The following UGT1A6 variants were observed in gnomAD, a reference collection of about 807,000 sequenced individuals.
UGT1A6 encodes the protein UDP glucuronosyltransferase family 1 member A6.
In UGT1A6, 32 loss-of-function variants were observed where a neutral mutation model predicts 44.4. The ratio of observed to expected loss-of-function variants is 0.72; its 90% confidence interval spans 0.54 to 0.97. The LOEUF (loss-of-function observed/expected upper bound fraction) is 0.97. UGT1A6 is among the 50% of genes least tolerant of loss of function. UGT1A6 has a pLI of 0.00. For missense variants in UGT1A6, 685 were observed against 661.9 expected (o/e 1.03, Z -0.38); for synonymous variants, 238 against 248.5 (o/e 0.96, Z 0.40).
intron 1 of UGT1A6, among the ~76,000 whole-genome samples, chr2:233,738,130 C>T (rs1187217692): frequency 6.6e-6 from 1 of 152,186 alleles, no homozygotes; most frequent in Admixed American, 6.5e-5. Flanking sequence ...ATAAGGGGCC[C>T]TTATCCCTTC....
Position 233,767,108 on chromosome 2 carries a change from A to T in UGT1A6, c.936A>T (p.Glu312Asp). ...TCTCTTTGGGATCAATGGTCTCAGA[A>T]ATTCCAGAGAAGAAAGCTATGGCAA... The part of the protein sequence containing the change: ...VVFSLGSMVS[E>D]IPEKKAMAIA... The change falls in exon 2 of 5, where the codon GAA (glutamate) becomes GAT (aspartate). Residue 312 changes from glutamate (E) to aspartate (D), a missense_variant. Glu to Asp is a conservative substitution (Grantham distance 45). Coordinates refer to ENST00000305139, the MANE Select transcript of UGT1A6 (RefSeq NM_001072.4). 1 of 1,614,166 alleles carries T rather than the reference A, an allele frequency of 6.2e-7. No individual in the cohort carries two copies.
chr2:233,693,631 G>A lies in UGT1A6; in HGVS notation c.627G>A (p.Val209=). 6.2e-7 allele frequency: 1 copy of A among 1,614,078 alleles called. No homozygotes were observed. The highest frequency in any genetic ancestry group is 1.1e-5 in the South Asian group (1 of 91,058). Residue 209 remains valine (V), a synonymous_variant, in exon 1 of 5, where the codon GTG becomes GTA. Transcript: ENST00000305139. ...ACCACATGACTTTTTCCCAACGAGT[G>A]GCCAACTTCCTTGTTAATTTGTTGG... ...FSDHMTFSQR[V]ANFLVNLLEP...
intron 1 of UGT1A6, chr2:233,718,800 C>T (rs779656703): frequency 5.0e-6 from 8 of 1,613,106 alleles, no homozygotes; most frequent in African/African-American, 4.0e-5. Context: ...GGACAGTCAG[C>T]TGTCGGTGGC....
chr2:233,743,823 G>A, intron 1 of UGT1A6: 2 of 1,367,252 alleles, frequency 1.5e-6, no homozygotes, highest in Non-Finnish European at 2.0e-6. Flanking sequence ...TTTTTGTCGG[G>A]GTGCCACTTG....
At chr2:233,694,057 G>A (rs1437140382) in intron 1 of UGT1A6, among the ~76,000 whole-genome samples, 192 bp downstream of exon 1, 2 of 152,344 alleles carry the variant, frequency 1.3e-5, no homozygotes, top group East Asian at 3.9e-4. Context: ...GCATTCGGAT[G>A]AAGACAGGGC....
rs1042595424 is a variant in UGT1A6 at position 233,772,592 on chromosome 2, C to T, written c.*33C>T. On this transcript the variant is annotated 3_prime_UTR_variant, in exon 5 of 5. Transcript: ENST00000305139. ...GTGGGAAATAAGGTAAAATTTTGAA[C>T]CATTCCCTAGTCATTTCCAAACTTG... The T allele has an allele frequency of 7.5e-6, 12 of 1,599,668 alleles. No homozygotes were observed. The highest frequency in any genetic ancestry group is 1.3e-5 in the African/African-American group (1 of 74,558).
chr2:233,708,361 C>T (rs919145520), intron 1 of UGT1A6: 2 of 152,120 alleles, frequency 1.3e-5, no homozygotes, highest in African/African-American at 4.8e-5. Context: ...CTTATTAATT[C>T]TTCATTTAAA....
chr2:233,742,647 G>A (rs1292075508), intron 1 of UGT1A6: 1 of 152,020 alleles, frequency 6.6e-6, no homozygotes, highest in African/African-American at 2.4e-5. Context: ...GTATACCACC[G>A]ACCAACCATG....
chr2:233,720,704 C>CT (rs796417980), intron 1 of UGT1A6, among the ~76,000 whole-genome samples: 446 of 139,112 alleles, frequency 3.2e-3, no homozygotes, highest in South Asian at 5.2e-3. Context: ...GGGAGCCATC[C>CT]TTTTTTTTTT....
chr2:233,754,448 T>G (rs1695488368), intron 1 of UGT1A6: 3 of 350,316 alleles, frequency 8.6e-6, no homozygotes, highest in Non-Finnish European at 1.7e-5. Flanking sequence ...TATAAATTCT[T>G]GGGTACAGCT....
chr2:233,738,076 A>C (rs17862873), intron 1 of UGT1A6, among the ~76,000 whole-genome samples: 29,204 of 152,030 alleles, frequency 0.19, 3,596 homozygotes, highest in South Asian at 0.3. Context: ...CCCACCTCCT[A>C]ATCTCATCAT....
chr2:233,693,399 A>T lies in UGT1A6; in HGVS notation c.395A>T (p.Asp132Val). ...ATCAACTGCCAGAGCCTCCTGCAGG[A>T]CAGGGACACCCTGAACTTCTTTAAG... The part of the protein sequence containing the change: ...YFINCQSLLQ[D>V]RDTLNFFKES... Residue 132 changes from aspartate to valine, a missense_variant, in exon 1 of 5, where the codon GAC becomes GTC. Coordinates refer to ENST00000305139, the MANE Select transcript of UGT1A6 (RefSeq NM_001072.4). 2 of 1,614,156 alleles carry T rather than the reference A, an allele frequency of 1.2e-6. No homozygotes were observed. The highest frequency in any genetic ancestry group is 1.1e-5 in the South Asian group (1 of 91,076).
rs1174769439 is a variant in UGT1A6, at chr2:233,773,222, A to G, written c.*663A>G. On this transcript the variant is annotated 3_prime_UTR_variant, in exon 5 of 5. Coordinates refer to ENST00000305139, the MANE Select transcript of UGT1A6 (RefSeq NM_001072.4). ...TTTGATAAAAACCCAAAATACAGCTATGAAGTGCTGGGCAAGTTTACTTTT... is the reference window on the plus strand; with the variant it reads ...TTTGATAAAAACCCAAAATACAGCTGTGAAGTGCTGGGCAAGTTTACTTTT... 2 of 152,386 alleles carry G rather than the reference A, an allele frequency of 1.3e-5. No homozygotes were observed. Among genetic ancestry groups the G allele is most frequent in the African/African-American group, 4.8e-5 (2 of 41,470 alleles). 9.4% of individuals were successfully genotyped at this position (152,386 alleles called of 1,614,324 possible).
intron 1 of UGT1A6, chr2:233,729,594 C>G (rs1443112600): frequency 1.2e-6 from 2 of 1,613,988 alleles, no homozygotes; most frequent in African/African-American, 2.7e-5. Flanking sequence ...CCGTTAACCT[C>G]TGCGCGGCAG....
At chr2:233,727,495 T>C (rs1362893443) in intron 1 of UGT1A6, among the ~76,000 whole-genome samples, 1 of 152,152 alleles carries the variant, frequency 6.6e-6, no homozygotes, top group African/African-American at 2.4e-5. Flanking sequence ...AGGTAGAACA[T>C]GGGAGCCCAT....
At position 233,692,968 on chromosome 2, in the gene UGT1A6, A is replaced by G; in HGVS notation, c.-37A>G. The G allele has an allele frequency of 6.2e-7, 1 of 1,609,996 alleles. No homozygotes were observed. The highest frequency in any genetic ancestry group is 8.5e-7 in the Non-Finnish European group (1 of 1,178,694). On this transcript the variant is annotated 5_prime_UTR_variant, in exon 1 of 5. Transcript: ENST00000305139. ...GAGCCCTGTGATTTGGAGAGTGAAA[A>G]CTCTTTATTACCGTTGTTACTTTAA...
intron 1 of UGT1A6, among the ~76,000 whole-genome samples, chr2:233,705,428 A>C (rs2075847484): frequency 6.6e-6 from 1 of 152,220 alleles, no homozygotes; most frequent in Non-Finnish European, 1.5e-5. Flanking sequence ...GTGGCTCATA[A>C]CTTATCCTTC....
intron 1 of UGT1A6, among the ~76,000 whole-genome samples, chr2:233,698,143 A>C (rs995620275): frequency 3.9e-5 from 6 of 152,198 alleles, no homozygotes; most frequent in Non-Finnish European, 8.8e-5. Flanking sequence ...TCTCAACTGT[A>C]TTCCCAGCAT....
intron 1 of UGT1A6, among the ~76,000 whole-genome samples, chr2:233,736,037 C>T (rs2078722692): frequency 6.6e-6 from 1 of 152,038 alleles, no homozygotes; most frequent in African/African-American, 2.4e-5. Flanking sequence ...TCTGTATTTC[C>T]TGAATTTGAA....
Sources: allele counts gnomAD v4.1 joint callset (sites outside exome capture counted in the v4.1 genomes callset), GRCh38; gene constraint gnomAD v4.1.1; transcripts MANE v1.5; gene names NCBI Gene and HGNC (gene_info 2026-07-23, HGNC 2026-07-21).